Variants in TSPAN13 observed in about 807,000 individuals in gnomAD.
TSPAN13 encodes tetraspanin 13.
Under a neutral mutation model 26.9 loss-of-function variants are expected in TSPAN13, and 18 were observed. That is an observed-to-expected ratio of 0.67 (90% CI 0.46 to 0.99). The LOEUF (loss-of-function observed/expected upper bound fraction) is 0.99. TSPAN13 is among the 50% of genes least tolerant of loss of function. TSPAN13 has a pLI of 0.00. For missense variants in TSPAN13, 201 were observed against 249.6 expected, an observed-to-expected ratio of 0.81 and a Z score of 1.31; for synonymous variants, 116 against 98.4, an observed-to-expected ratio of 1.18 and a Z score of -1.06.
intron 1 of TSPAN13, among the ~76,000 whole-genome samples, chr7:16,757,190 G>A (rs1396959181): frequency 6.6e-6 from 1 of 152,144 alleles, no homozygotes; most frequent in African/African-American, 2.4e-5. Context: ...GAAGTTGGGG[G>A]AATAAAGGAG....
At chr7:16,769,721 T>C (rs983016114) in intron 1 of TSPAN13, among the ~76,000 whole-genome samples, 5 of 152,172 alleles carry the variant, frequency 3.3e-5, no homozygotes, top group Non-Finnish European at 7.4e-5. Flanking sequence ...TTTTGAATAA[T>C]GAAAGCTGTG....
rs1369823262 is a variant in TSPAN13, at chr7:16,784,359, A to G, written c.*868A>G. 1 of 152,218 alleles carries G rather than the reference A, an allele frequency of 6.6e-6. No individual in the cohort carries two copies. The highest frequency in any genetic ancestry group is 2.4e-5 in the African/African-American group (1 of 41,462). The allele number at this position is 152,218 out of a possible 1,614,324, so 9.4% of individuals were successfully genotyped here. ...AAATACCGTTTTCATGAAATTTCTC[A>G]GTATTGTAACAGCAACTTGTCAAAC... On this transcript the variant is annotated 3_prime_UTR_variant, in exon 6 of 6. Transcript: ENST00000262067.
intron 1 of TSPAN13, among the ~76,000 whole-genome samples, chr7:16,769,312 C>T (rs1784647714): frequency 6.6e-6 from 1 of 152,188 alleles, no homozygotes; most frequent in African/African-American, 2.4e-5. Flanking sequence ...GATTGAACCA[C>T]TGACAGGACT....
intron 1 of TSPAN13, among the ~76,000 whole-genome samples, chr7:16,771,675 C>G (rs1342928007): frequency 6.6e-6 from 1 of 152,220 alleles, no homozygotes; most frequent in Non-Finnish European, 1.5e-5. Context: ...CCCTCTGGAG[C>G]TTTCAGGAGT....
chr7:16,753,862 GCTGCCCCGC>G lies in TSPAN13; in HGVS notation c.-102_-94del, dbSNP rs1430135433. ...CCGGCCCCCCACCCACGTCTGCGTT[GCTGCCCCGC>G]CTGGGCCAGGCCCCAAAGGCAAGGA... On this transcript the variant is annotated 5_prime_UTR_variant, in exon 1 of 6. Transcript: ENST00000262067. The G allele has an allele frequency of 8.0e-7, 1 of 1,248,652 alleles. No homozygotes were observed. Among genetic ancestry groups the G allele is most frequent in the Non-Finnish European group, 1.1e-6 (1 of 874,888 alleles). The allele number at this position is 1,248,652 out of a possible 1,614,324, so 77.3% of individuals were successfully genotyped here. A position where few individuals can be genotyped will look rare whatever the true frequency, so the allele number is the denominator to read the frequency against.
At chr7:16,782,803 A>G in intron 5 of TSPAN13, among the ~76,000 whole-genome samples, 1 of 152,174 alleles carries the variant, frequency 6.6e-6, no homozygotes, top group Admixed American at 6.5e-5. Context: ...ACTTTGTATT[A>G]GTTTTCCATA....
intron 1 of TSPAN13, among the ~76,000 whole-genome samples, chr7:16,755,046 C>G (rs527309703): frequency 6.6e-6 from 1 of 152,152 alleles, no homozygotes; most frequent in Non-Finnish European, 1.5e-5. Context: ...TTTCCACAGG[C>G]TGTCTCTACC....
chr7:16,780,554 ATT>A (rs1235764953), intron 5 of TSPAN13, among the ~76,000 whole-genome samples: 1 of 152,168 alleles, frequency 6.6e-6, no homozygotes, highest in African/African-American at 2.4e-5. Context: ...AATTCTGTGC[ATT>A]TCTCTCTTCT....
In TSPAN13 at chr7:16,779,018, G is replaced by T; in HGVS notation, c.442G>T (p.Asp148Tyr). The T allele has an allele frequency of 6.2e-7, 1 of 1,612,668 alleles. No homozygotes were observed. Among genetic ancestry groups the T allele is most frequent in the South Asian group, 1.1e-5 (1 of 90,668 alleles). ...ATTGGTGCAGAGCTGTGTTAAAAGT[G>T]ACCACTCGTGCTCGCCATGTGCTCC... Reference protein sequence around the residue: ...DTCLASCVKSDHSCSPCAPII... With the variant: ...DTCLASCVKSYHSCSPCAPII... The change falls in exon 5 of 6, where the codon GAC becomes TAC. Residue 148 changes from aspartate (D) to tyrosine (Y), a missense_variant. Transcript: ENST00000262067.
intron 1 of TSPAN13, among the ~76,000 whole-genome samples, chr7:16,757,571 T>C (rs1784493960): frequency 6.6e-6 from 1 of 152,200 alleles, no homozygotes; most frequent in African/African-American, 2.4e-5. Context: ...AACATATATT[T>C]ACTGGGACTT....
intron 4 of TSPAN13, 99 bp from the exon 5 acceptor site, chr7:16,778,904 T>A: frequency 1.2e-6 from 1 of 832,580 alleles, no homozygotes; most frequent in Non-Finnish European, 1.9e-6. Flanking sequence ...TCAAATTGGA[T>A]ATAATACTCT....
At chr7:16,764,940 T>G (rs546243146) in intron 1 of TSPAN13, among the ~76,000 whole-genome samples, 18 of 151,582 alleles carry the variant, frequency 1.2e-4, no homozygotes, top group Middle Eastern at 3.4e-3. Context: ...TTTTGTTTTT[T>G]TTTTGAGACA....
At chr7:16,756,104 C>G (rs1022860211) in intron 1 of TSPAN13, among the ~76,000 whole-genome samples, 1 of 152,052 alleles carries the variant, frequency 6.6e-6, no homozygotes, top group Admixed American at 6.6e-5. Context: ...AAAGTGGAGG[C>G]AAGTGACAGG....
At chr7:16,772,841 C>A (rs1453781796) in intron 1 of TSPAN13, among the ~76,000 whole-genome samples, 2 of 151,858 alleles carry the variant, frequency 1.3e-5, no homozygotes, top group African/African-American at 4.8e-5. Context: ...ACTAAAAATA[C>A]AAAAATTAGC....
chr7:16,766,928 G>GT (rs1251810618), intron 1 of TSPAN13, among the ~76,000 whole-genome samples: 1 of 151,972 alleles, frequency 6.6e-6, no homozygotes, highest in Non-Finnish European at 1.5e-5. Context: ...ATATGCCAGT[G>GT]TTTTTTTTCT....
chr7:16,766,530 G>T (rs1335016380), intron 1 of TSPAN13, among the ~76,000 whole-genome samples: 1 of 152,226 alleles, frequency 6.6e-6, no homozygotes, highest in Admixed American at 6.5e-5. Context: ...TTACAAACGT[G>T]TGGAGAATCA....
intron 1 of TSPAN13, among the ~76,000 whole-genome samples, chr7:16,760,633 A>G (rs114902609): frequency 0.019 from 2,821 of 152,272 alleles, 82 homozygotes; most frequent in African/African-American, 0.064. Context: ...GGAGAAGGGC[A>G]GTGGTCCATG....
intron 5 of TSPAN13, among the ~76,000 whole-genome samples, chr7:16,780,311 G>A (rs1784801443): frequency 6.6e-6 from 1 of 152,014 alleles, no homozygotes; most frequent in African/African-American, 2.4e-5. Context: ...TGTTGGCCAG[G>A]CTGGTCTGGA....
At chr7:16,783,172 G>A (rs535316520) in intron 5 of TSPAN13, among the ~76,000 whole-genome samples, 1 of 152,232 alleles carries the variant, frequency 6.6e-6, no homozygotes, top group East Asian at 1.9e-4. Context: ...TTTGCAGGTC[G>A]TAGGGGTTAG....
Sources: allele counts gnomAD v4.1 joint callset (sites outside exome capture counted in the v4.1 genomes callset), GRCh38; gene constraint gnomAD v4.1.1; transcripts MANE v1.5; gene names NCBI Gene and HGNC (gene_info 2026-07-23, HGNC 2026-07-21).